CCDC87: variants seen among roughly 807,000 people sequenced by gnomAD.
The protein encoded by CCDC87 is coiled-coil domain-containing protein 87.
For synonymous variants in CCDC87, 434 were observed against 440.2 expected, an observed-to-expected ratio of 0.99 and a Z score of 0.18; for missense variants, 1,072 against 1,041.7, an observed-to-expected ratio of 1.03 and a Z score of -0.40.
chr11:66,592,904 G>C lies in CCDC87; in HGVS notation c.112C>G (p.Pro38Ala), dbSNP rs950560733. 3 of 1,532,790 alleles carry C rather than the reference G, an allele frequency of 2.0e-6. No homozygotes were observed. The highest frequency in any genetic ancestry group is 2.6e-6 in the Non-Finnish European group (3 of 1,142,298). The allele number at this position is 1,532,790 out of a possible 1,614,324, so 94.9% of individuals were successfully genotyped here. A position where few individuals can be genotyped will look rare whatever the true frequency, so the allele number is the denominator to read the frequency against. The change falls in exon 1 of 1, where the codon CCC becomes GCC. Residue 38 changes from proline to alanine, a missense_variant. Physicochemically the swap from Pro to Ala is conservative, Grantham distance 27. Coordinates refer to ENST00000333861, the MANE Select transcript of CCDC87 (RefSeq NM_018219.3). ...TGCAGAATCCGGCCCTCCTGCGGGG[G>C]GCGCTTCTGAGGCTCTGGGGACGTC... ...RTTSPEPQKR[P>A]PQEGRILQSF... is the part of the protein sequence containing the mutation.
At position 66,592,900 on chromosome 11, in the gene CCDC87, G is replaced by C. The variant is rs200871346; in HGVS notation, c.116C>G (p.Pro39Arg). 1.1e-4 allele frequency: 164 copies of C among 1,533,664 alleles called. 1 individual carries two copies. In the East Asian group the frequency reaches 3.6e-3, roughly 33 times the overall value. ...GGACTGCAGAATCCGGCCCTCCTGC[G>C]GGGGGCGCTTCTGAGGCTCTGGGGA... Reference protein sequence around the residue: ...TTSPEPQKRPPQEGRILQSFP... With the variant: ...TTSPEPQKRPRQEGRILQSFP... The change falls in exon 1 of 1, where the codon CCG becomes CGG. Residue 39 changes from proline (P) to arginine (R), a missense_variant. By Grantham distance (103) the Pro-to-Arg change is moderately radical. Transcript: ENST00000333861.
chr11:66,592,655 G>C lies in CCDC87; in HGVS notation c.361C>G (p.Leu121Val), dbSNP rs1446930512. 1 of 1,613,864 alleles carries C rather than the reference G, an allele frequency of 6.2e-7. No individual in the cohort carries two copies. Among genetic ancestry groups the C allele is most frequent in the Non-Finnish European group, 8.5e-7 (1 of 1,180,000 alleles). The change falls in exon 1 of 1, where the codon CTG becomes GTG. Residue 121 changes from leucine (L) to valine (V), a missense_variant. By Grantham distance (32) the Leu-to-Val change is conservative. Transcript: ENST00000333861. ...AAGAAGAGCTGCTCGCTGCTCAGCA[G>C]CACGTAGGCCTCGAGCCGCTTCCGC... ...KLRKRLEAYVLLSSEQLFLRY... is the reference protein window; with the variant it reads ...KLRKRLEAYVVLSSEQLFLRY...
chr11:66,590,400 G>C lies in CCDC87; in HGVS notation c.*66C>G. 1 of 1,230,690 alleles carries C rather than the reference G, an allele frequency of 8.1e-7. No individual in the cohort carries two copies. Among genetic ancestry groups the C allele is most frequent in the Non-Finnish European group, 1.1e-6 (1 of 869,690 alleles). 76.2% of individuals were successfully genotyped at this position (1,230,690 alleles called of 1,614,324 possible). On this transcript the variant is annotated 3_prime_UTR_variant, in exon 1 of 1. Coordinates refer to ENST00000333861, the MANE Select transcript of CCDC87 (RefSeq NM_018219.3). ...TCTAGATGAGCTGCTGGCCATTTAG[G>C]GGTGAGGGAGGCATTTGAGGGCACT...
chr11:66,590,891 C>T lies in CCDC87; in HGVS notation c.2125G>A (p.Ala709Thr), dbSNP rs747850463. 6.2e-7 allele frequency: 1 copy of T among 1,613,844 alleles called. No individual in the cohort carries two copies. The highest frequency in any genetic ancestry group is 1.1e-5 in the South Asian group (1 of 91,090). ...AATGAAGGCAGCTGCCTCAGGCGGG[C>T]TTTGGAGCTATATTTAATGGTCATG... is the stretch of plus-strand genomic sequence containing the variant. ...VDMTIKYSSK[A>T]RLRQLPSLVN... The change falls in exon 1 of 1, where the codon GCC becomes ACC. Residue 709 changes from alanine (A) to threonine (T), a missense_variant. Ala to Thr is a moderately conservative substitution (Grantham distance 58). Transcript: ENST00000333861.
In CCDC87 at chr11:66,592,268, T is replaced by C; in HGVS notation, c.748A>G (p.Lys250Glu). The stretch of plus-strand genomic sequence containing the variant: ...AACCGAGGGATGGACTTCAATTCCT[T>C]CACTGGATCCATCCTTCCTGGCTCA... Reference protein sequence around the residue: ...LNEPGRMDPVKELKSIPRLKR... With the variant: ...LNEPGRMDPVEELKSIPRLKR... The change falls in exon 1 of 1, where the codon AAG becomes GAG. Residue 250 changes from lysine to glutamate, a missense_variant. Physicochemically the swap from Lys to Glu is moderately conservative, Grantham distance 56 (BLOSUM62 1). Transcript: ENST00000333861. 1 of 1,614,186 alleles carries C rather than the reference T, an allele frequency of 6.2e-7. No individual in the cohort carries two copies. Among genetic ancestry groups the C allele is most frequent in the Non-Finnish European group, 8.5e-7 (1 of 1,180,024 alleles).
Position 66,590,768 on chromosome 11 carries a change from G to T in CCDC87, c.2248C>A (p.Arg750Ser). The change falls in exon 1 of 1, where the codon CGC becomes AGC. Residue 750 changes from arginine (R) to serine (S), a missense_variant. Coordinates refer to ENST00000333861, the MANE Select transcript of CCDC87 (RefSeq NM_018219.3). Reference sequence around the variant, plus strand: ...CTCAAGTTGGTCTTTTTGAAGAAGCGGTTGGGATTGGAAGCTTGTCCCTCA... The same window carrying T: ...CTCAAGTTGGTCTTTTTGAAGAAGCTGTTGGGATTGGAAGCTTGTCCCTCA... ...WFEGQASNPN[R>S]FFKKTNLSSS... The T allele has an allele frequency of 6.2e-7, 1 of 1,612,706 alleles. No individual in the cohort carries two copies. Among genetic ancestry groups the T allele is most frequent in the Non-Finnish European group, 8.5e-7 (1 of 1,180,042 alleles).
At position 66,591,701 on chromosome 11, in the gene CCDC87, C is replaced by T. The variant is rs143106957; in HGVS notation, c.1315G>A (p.Val439Ile). ...CGTACGGCAGCCGCCTGGACCACGA[C>T]CTCATTTCTAAGCTTCAAAGTAATG... ...VTITLKLRNEVVVQAAAVRVS... is the reference protein window; with the variant it reads ...VTITLKLRNEIVVQAAAVRVS... Residue 439 changes from valine (V) to isoleucine (I), a missense_variant, in exon 1 of 1, where the codon GTC becomes ATC. Coordinates refer to ENST00000333861, the MANE Select transcript of CCDC87 (RefSeq NM_018219.3). 3.6e-4 allele frequency: 578 copies of T among 1,613,580 alleles called. 1 individual carries two copies. Among genetic ancestry groups the T allele is most frequent in the Middle Eastern group, 2.5e-3 (15 of 6,058 alleles).
Position 66,592,082 on chromosome 11 carries a change from T to TG in CCDC87, c.933dup (p.Met312HisfsTer6). On this transcript the variant is annotated frameshift_variant, in exon 1 of 1. Transcript: ENST00000333861. LOFTEE classifies it low-confidence loss of function (END_TRUNC). The stretch of plus-strand genomic sequence containing the variant: ...CTCCAGCCCTCACGCAGGGAGGGCA[T>TG]GGATTGGCCTCTCCGGAGCTCAGGG... 1 of 1,604,464 alleles carries TG rather than the reference T, an allele frequency of 6.2e-7. No individual in the cohort carries two copies. Among genetic ancestry groups the TG allele is most frequent in the African/African-American group, 1.3e-5 (1 of 74,688 alleles).
rs1858350618 is a variant in CCDC87 at position 66,591,288 on chromosome 11, C to T, written c.1728G>A (p.Glu576=). The T allele has an allele frequency of 3.7e-6, 6 of 1,614,210 alleles. No individual in the cohort carries two copies. The highest frequency in any genetic ancestry group is 5.1e-6 in the Non-Finnish European group (6 of 1,180,034). ...TCAAGGAGGCCTTGTTTGACCACTTCTCCCAGCTTTTGGTAGCTTGGAGTG... is the reference window on the plus strand; with the variant it reads ...TCAAGGAGGCCTTGTTTGACCACTTTTCCCAGCTTTTGGTAGCTTGGAGTG... ...LPSLQATKSW[E]KWSNKASLMN... Residue 576 remains glutamate, a synonymous_variant, in exon 1 of 1, where the codon GAG becomes GAA. Coordinates refer to ENST00000333861, the MANE Select transcript of CCDC87 (RefSeq NM_018219.3).
Position 66,591,038 on chromosome 11 carries a change from C to G in CCDC87, c.1978G>C (p.Glu660Gln), listed in dbSNP as rs1225071541. 1.2e-6 allele frequency: 2 copies of G among 1,613,994 alleles called. No individual in the cohort carries two copies. The highest frequency in any genetic ancestry group is 8.5e-7 in the Non-Finnish European group (1 of 1,180,052). Residue 660 changes from glutamate to glutamine, a missense_variant, in exon 1 of 1, where the codon GAG (glutamate) becomes CAG (glutamine). Glu to Gln is a conservative substitution (Grantham distance 29). Transcript: ENST00000333861. ...PGEWDWNTVL[E>Q]HRLGAGKTPH... ...GTCTTCCCAGCTCCTAGCCTGTGCT[C>G]TAGCACAGTGTTCCAATCCCACTCT...
Position 66,591,859 on chromosome 11 carries a change from G to A in CCDC87, c.1157C>T (p.Thr386Ile). ...GCGATGCCCTGCAGCTGGGTGACGGGTCACAACCCCCAGGAGAGGAGGCAG... is the reference window on the plus strand; with the variant it reads ...GCGATGCCCTGCAGCTGGGTGACGGATCACAACCCCCAGGAGAGGAGGCAG... ...SGLPPLLGVVTRHPAAGHRLE... is the reference protein window; with the variant it reads ...SGLPPLLGVVIRHPAAGHRLE... The change falls in exon 1 of 1, where the codon ACC becomes ATC. Residue 386 changes from threonine to isoleucine, a missense_variant. Transcript: ENST00000333861. 1 of 1,613,706 alleles carries A rather than the reference G, an allele frequency of 6.2e-7. No homozygotes were observed. The highest frequency in any genetic ancestry group is 8.5e-7 in the Non-Finnish European group (1 of 1,179,886).
Position 66,591,018 on chromosome 11 carries a change from C to T in CCDC87, c.1998G>A (p.Gly666=), listed in dbSNP as rs1285358316. The T allele has an allele frequency of 5.6e-6, 9 of 1,614,064 alleles. No homozygotes were observed. Among genetic ancestry groups the T allele is most frequent in the Non-Finnish European group, 7.6e-6 (9 of 1,180,038 alleles). ...NTVLEHRLGA[G]KTPHLGEPHK... Reference sequence around the variant, plus strand: ...GGGGTTCTCCCAGGTGGGGTGTCTTCCCAGCTCCTAGCCTGTGCTCTAGCA... The same window carrying T: ...GGGGTTCTCCCAGGTGGGGTGTCTTTCCAGCTCCTAGCCTGTGCTCTAGCA... The change falls in exon 1 of 1, where the codon GGG becomes GGA. Residue 666 remains glycine, a synonymous_variant. Coordinates refer to ENST00000333861, the MANE Select transcript of CCDC87 (RefSeq NM_018219.3).
In CCDC87 at chr11:66,592,230, C is replaced by G; in HGVS notation, c.786G>C (p.Lys262Asn). 1.2e-6 allele frequency: 2 copies of G among 1,613,228 alleles called. No individual in the cohort carries two copies. Among genetic ancestry groups the G allele is most frequent in the Non-Finnish European group, 1.7e-6 (2 of 1,179,564 alleles). ...LKSIPRLKRKKPFHWLPSIGK... is the reference protein window; with the variant it reads ...LKSIPRLKRKNPFHWLPSIGK... Reference sequence around the variant, plus strand: ...CTATGGAGGGCAGCCAGTGGAAAGGCTTTTTCCTCTTCAACCGAGGGATGG... The same window carrying G: ...CTATGGAGGGCAGCCAGTGGAAAGGGTTTTTCCTCTTCAACCGAGGGATGG... Residue 262 changes from lysine to asparagine, a missense_variant, in exon 1 of 1, where the codon AAG (lysine) becomes AAC (asparagine). Lys to Asn is a moderately conservative substitution (Grantham distance 94). Transcript: ENST00000333861.
Position 66,592,212 on chromosome 11 carries a change from G to A in CCDC87, c.804C>T (p.Pro268=). 1 of 1,610,312 alleles carries A rather than the reference G, an allele frequency of 6.2e-7. No individual in the cohort carries two copies. The highest frequency in any genetic ancestry group is 8.5e-7 in the Non-Finnish European group (1 of 1,178,100). ...CGATTTCTCTCTTCTTTCCTATGGA[G>A]GGCAGCCAGTGGAAAGGCTTTTTCC... ...LKRKKPFHWL[P]SIGKKREIDI... The change falls in exon 1 of 1, where the codon CCC becomes CCT. Residue 268 remains proline, a synonymous_variant. Coordinates refer to ENST00000333861, the MANE Select transcript of CCDC87 (RefSeq NM_018219.3).
At position 66,592,672 on chromosome 11, in the gene CCDC87, CG is replaced by C; in HGVS notation, c.343del (p.Arg115GlyfsTer8). 1.2e-6 allele frequency: 2 copies of C among 1,614,072 alleles called. No individual in the cohort carries two copies. Among genetic ancestry groups the C allele is most frequent in the Non-Finnish European group, 1.7e-6 (2 of 1,180,016 alleles). On this transcript the variant is annotated frameshift_variant, in exon 1 of 1. Coordinates refer to ENST00000333861, the MANE Select transcript of CCDC87 (RefSeq NM_018219.3). LOFTEE classifies it low-confidence loss of function (END_TRUNC). Reference sequence around the variant, plus strand: ...GCTCAGCAGCACGTAGGCCTCGAGCCGCTTCCGCAGCTTCTGGTTGTTTTTG... The same window carrying C: ...GCTCAGCAGCACGTAGGCCTCGAGCCCTTCCGCAGCTTCTGGTTGTTTTTG... ...SHKNNQKLRK[R>X]LEAYVLLSSE...
At position 66,592,091 on chromosome 11, in the gene CCDC87, C is replaced by T; in HGVS notation, c.925G>A (p.Gly309Ser). The stretch of plus-strand genomic sequence containing the variant: ...TCACGCAGGGAGGGCATGGATTGGC[C>T]TCTCCGGAGCTCAGGGCAGAAAGGC... Reference protein sequence around the residue: ...PSPFCPELRRGQSMPSLREGW... With the variant: ...PSPFCPELRRSQSMPSLREGW... Residue 309 changes from glycine to serine, a missense_variant, in exon 1 of 1, where the codon GGC becomes AGC. Coordinates refer to ENST00000333861, the MANE Select transcript of CCDC87 (RefSeq NM_018219.3). The T allele has an allele frequency of 6.3e-7, 1 of 1,597,050 alleles. No individual in the cohort carries two copies. The highest frequency in any genetic ancestry group is 2.2e-5 in the East Asian group (1 of 44,764).
rs1391964523 is a variant in CCDC87 at position 66,591,619 on chromosome 11, T to C, written c.1397A>G (p.Tyr466Cys). ...SFHIEGAGAL[Y>C]NHLAGELDPK... ...ATCCAGTTCACCAGCCAGATGGTTATACAGGGCTCCGGCCCCCTCAATGTG... is the reference window on the plus strand; with the variant it reads ...ATCCAGTTCACCAGCCAGATGGTTACACAGGGCTCCGGCCCCCTCAATGTG... The change falls in exon 1 of 1, where the codon TAT (tyrosine) becomes TGT (cysteine). Residue 466 changes from tyrosine to cysteine, a missense_variant. Transcript: ENST00000333861. 1.5e-5 allele frequency: 24 copies of C among 1,614,098 alleles called. No individual in the cohort carries two copies. Among genetic ancestry groups the C allele is most frequent in the Non-Finnish European group, 1.9e-5 (23 of 1,180,028 alleles).
At position 66,592,797 on chromosome 11, in the gene CCDC87, C is replaced by A. The variant is rs769585190; in HGVS notation, c.219G>T (p.Ala73=). ...GTAGTCGGGCCTCAGGAGGCACTCC[C>A]GCTGCTATCCCGCTGCCGGCCAGCA... ...AKLLAGSGIA[A]GVPPEARLRL... is the part of the protein sequence containing the mutation. The change falls in exon 1 of 1, where the codon GCG becomes GCT. Residue 73 remains alanine, a synonymous_variant. Coordinates refer to ENST00000333861, the MANE Select transcript of CCDC87 (RefSeq NM_018219.3). 6.9e-6 allele frequency: 11 copies of A among 1,601,692 alleles called. No homozygotes were observed. The South Asian group carries it at 1.1e-4, about 16-fold the overall frequency.
chr11:66,590,661 G>A lies in CCDC87; in HGVS notation c.2355C>T (p.Ser785=). 8 of 1,614,078 alleles carry A rather than the reference G, an allele frequency of 5.0e-6. No homozygotes were observed. Among genetic ancestry groups the A allele is most frequent in the Non-Finnish European group, 6.8e-6 (8 of 1,179,938 alleles). Residue 785 remains serine (S), a synonymous_variant, in exon 1 of 1, where the codon TCC becomes TCT. Coordinates refer to ENST00000333861, the MANE Select transcript of CCDC87 (RefSeq NM_018219.3). The stretch of plus-strand genomic sequence containing the variant: ...AGATTAACTCTATCTCCTCCAGGAG[G>A]GAAACCAAAGAAGACTCCATTAAGT... The part of the protein sequence containing the change: ...KLNLMESSLV[S]LLEEIELIFG...
Sources: gnomAD v4.1 joint callset for allele counts on GRCh38, gnomAD v4.1.1 for gene constraint, MANE v1.5 for transcripts, NCBI Gene and HGNC (gene_info 2026-07-23, HGNC 2026-07-21) for gene names.